Variants in RNF217 observed in about 807,000 individuals in gnomAD.
RNF217 encodes the protein ring finger protein 217, also known as E3 ubiquitin-protein ligase RNF217.
In RNF217, 31 loss-of-function variants were observed where a neutral mutation model predicts 57.8. That is an observed-to-expected ratio of 0.54 (90% CI 0.40 to 0.72). The LOEUF (loss-of-function observed/expected upper bound fraction) is 0.72, where lower values mean the gene tolerates loss of function less well. RNF217 is among the 30% of genes least tolerant of loss of function. RNF217 has a pLI of 0.00. For synonymous variants in RNF217, 313 were observed against 294.0 expected (o/e 1.06, Z -0.66); for missense variants, 696 against 708.3 (o/e 0.98, Z 0.20).
chr6:125,080,756 C>T (rs1788546005), intron 4 of RNF217, among the ~76,000 whole-genome samples: 1 of 152,072 alleles, frequency 6.6e-6, no homozygotes, highest in Non-Finnish European at 1.5e-5. Flanking sequence ...AAAGAAAATG[C>T]TGGCTGATAC....
At chr6:124,981,551 T>TAC (rs1195682997) in intron 1 of RNF217, among the ~76,000 whole-genome samples, 3 of 152,206 alleles carry the variant, frequency 2.0e-5, no homozygotes, top group African/African-American at 7.2e-5. Flanking sequence ...TCACTGAATA[T>TAC]ACAATTTAGT....
At chr6:125,071,836 T>C (rs1313425434) in intron 3 of RNF217, among the ~76,000 whole-genome samples, 1 of 152,182 alleles carries the variant, frequency 6.6e-6, no homozygotes, top group Non-Finnish European at 1.5e-5. Context: ...CAGTTTTATC[T>C]AATGGATTAG....
At position 125,045,375 on chromosome 6, in the gene RNF217, C is replaced by T; in HGVS notation, c.1047C>T (p.Cys349=). The T allele has an allele frequency of 2.5e-6, 4 of 1,613,440 alleles. No homozygotes were observed. Among genetic ancestry groups the T allele is most frequent in the Non-Finnish European group, 3.4e-6 (4 of 1,179,676 alleles). The change falls in exon 2 of 6, where the codon TGC becomes TGT. Residue 349 remains cysteine, a synonymous_variant. Transcript: ENST00000521654. ...CCAGCACCAAGCCATGTCCTCAGTGCAAGCACTTTACAACCTTCAAGAAAA... is the reference window on the plus strand; with the variant it reads ...CCAGCACCAAGCCATGTCCTCAGTGTAAGCACTTTACAACCTTCAAGAAAA... ...IDSSTKPCPQ[C]KHFTTFKKKG... is the part of the protein sequence containing the mutation.
chr6:125,031,922 G>A (rs1350736414), intron 1 of RNF217, among the ~76,000 whole-genome samples: 1 of 152,172 alleles, frequency 6.6e-6, no homozygotes, highest in Non-Finnish European at 1.5e-5. Context: ...AGAAAAAGAG[G>A]TTTAATTGGA....
chr6:125,033,750 G>T (rs1260722626), intron 1 of RNF217, among the ~76,000 whole-genome samples: 1 of 151,968 alleles, frequency 6.6e-6, no homozygotes, highest in Non-Finnish European at 1.5e-5. Context: ...TCTAGTTCAA[G>T]ATCCCTGAGG....
intron 1 of RNF217, among the ~76,000 whole-genome samples, chr6:125,040,131 C>CA (rs199981900): frequency 0.012 from 1,760 of 151,800 alleles, 38 homozygotes; most frequent in African/African-American, 0.04. Context: ...AAAAAACCTT[C>CA]AAAAAAATCA....
intron 2 of RNF217, chr6:125,048,223 T>G: frequency 1.5e-6 from 2 of 1,356,676 alleles, no homozygotes; most frequent in Non-Finnish European, 2.0e-6. Context: ...TGGCACCCTG[T>G]ACTGAGACTA....
chr6:125,015,554 A>G (rs1182326891), intron 1 of RNF217, among the ~76,000 whole-genome samples: 1 of 152,068 alleles, frequency 6.6e-6, no homozygotes, highest in Non-Finnish European at 1.5e-5. Flanking sequence ...GTTATGATCT[A>G]ATAAACATAA....
At chr6:125,013,345 T>TTGTGTG (rs1388363342) in intron 1 of RNF217, among the ~76,000 whole-genome samples, 129 of 112,294 alleles carry the variant, frequency 1.1e-3, no homozygotes, top group African/African-American at 3.9e-3. Flanking sequence ...CTTGCATGTT[T>TTGTGTG]TGTGTATGTG....
rs1046112388 is a variant in RNF217, at chr6:124,994,145, A to G, written c.882+30719A>G. Among the ~76,000 whole-genome samples, 11 of 152,234 alleles carry G rather than the reference A, an allele frequency of 7.2e-5. No individual in the cohort carries two copies. The East Asian group carries it at 2.1e-3, about 29-fold the overall frequency. ...AGCCTAGAGAAAAAAAAATATGTAT[A>G]TAAGGGATGTGTGTGTATCTTTTTG... is the stretch of plus-strand genomic sequence containing the variant. On this transcript the variant is annotated intron_variant, in intron 1 of 5. Coordinates refer to ENST00000521654, the MANE Select transcript of RNF217 (RefSeq NM_001286398.3).
chr6:125,017,176 A>G (rs1027353623), intron 1 of RNF217, among the ~76,000 whole-genome samples: 7 of 152,212 alleles, frequency 4.6e-5, no homozygotes, highest in African/African-American at 1.7e-4. Context: ...CTGCCTTTCA[A>G]TATGCTTTAT....
At chr6:125,048,261 T>C in intron 2 of RNF217, 1 of 1,345,672 alleles carries the variant, frequency 7.4e-7, no homozygotes, top group African/African-American at 1.5e-5. Context: ...GATGAACAGG[T>C]GAACATTTTT....
intron 1 of RNF217, among the ~76,000 whole-genome samples, chr6:125,031,136 A>T (rs764746678): frequency 1.2e-4 from 19 of 152,210 alleles, no homozygotes; most frequent in Non-Finnish European, 2.4e-4. Flanking sequence ...AGCAGCTGGG[A>T]CACAGGGCAC....
rs149369829 is a variant in RNF217, at chr6:125,072,580, A to G, written c.1282-4077A>G. ...AAATAGGCCACATAAAGATTTTAGAACCCAATGAAGCAATATTACAAACAG... is the reference window on the plus strand; with the variant it reads ...AAATAGGCCACATAAAGATTTTAGAGCCCAATGAAGCAATATTACAAACAG... On this transcript the variant is annotated intron_variant, in intron 3 of 5. Transcript: ENST00000521654. 2.2e-3 allele frequency among the ~76,000 whole-genome samples: 337 copies of G among 152,330 alleles called. 1 individual carries two copies. Among genetic ancestry groups the G allele is most frequent in the African/African-American group, 7.9e-3 (328 of 41,572 alleles).
intron 1 of RNF217, among the ~76,000 whole-genome samples, chr6:124,993,566 G>A (rs771102814): frequency 6.6e-6 from 1 of 152,138 alleles, no homozygotes; most frequent in Admixed American, 6.6e-5. Context: ...GCAGTGCAAA[G>A]GTGAACCTGA....
intron 3 of RNF217, among the ~76,000 whole-genome samples, chr6:125,062,559 T>A (rs76177793): frequency 0.012 from 1,752 of 152,116 alleles, 28 homozygotes; most frequent in African/African-American, 0.04. Context: ...AATCTTATTG[T>A]TCCTTTTGTT....
intron 1 of RNF217, among the ~76,000 whole-genome samples, chr6:125,007,027 AATT>A (rs897420036): frequency 5.3e-5 from 8 of 152,192 alleles, no homozygotes; most frequent in Non-Finnish European, 7.3e-5. Flanking sequence ...CTGTTACAGT[AATT>A]ATTAAGTATG....
rs561163351 is a variant in RNF217, at chr6:124,963,128, T to G, written c.584T>G (p.Leu195Trp). 5 of 1,535,388 alleles carry G rather than the reference T, an allele frequency of 3.3e-6. No homozygotes were observed. The African/African-American group carries it at 5.5e-5, about 17-fold the overall frequency. Reference sequence around the variant, plus strand: ...TCGCCACCTGGGGCTCCGCCAGTGTTGAACCCTCCCAGCACCCGCTCTTCC... The same window carrying G: ...TCGCCACCTGGGGCTCCGCCAGTGTGGAACCCTCCCAGCACCCGCTCTTCC... ...PASPPGAPPVLNPPSTRSSFP... is the reference protein window; with the variant it reads ...PASPPGAPPVWNPPSTRSSFP... The change falls in exon 1 of 6, where the codon TTG becomes TGG. Residue 195 changes from leucine (L) to tryptophan (W), a missense_variant. This residue lies in a region of RNF217 where 465 missense variants were observed against 386.8 expected (regional missense o/e 1.20). Transcript: ENST00000521654.
At chr6:124,989,585 T>G (rs1784478632) in intron 1 of RNF217, among the ~76,000 whole-genome samples, 1 of 152,160 alleles carries the variant, frequency 6.6e-6, no homozygotes, top group African/African-American at 2.4e-5. Context: ...AAACAGTGCA[T>G]AAATGATGAG....
Sources: gnomAD v4.1 joint callset for allele counts (sites outside exome capture counted in the v4.1 genomes callset) on GRCh38, gnomAD v4.1.1 for gene constraint, gnomAD v4.1.1 regional missense constraint, MANE v1.5 for transcripts, NCBI Gene and HGNC (gene_info 2026-07-23, HGNC 2026-07-21) for gene names.